Variants in MTERF4 observed in about 807,000 individuals in gnomAD.
MTERF4 encodes mitochondrial transcription termination factor 4.
Under a neutral mutation model 22.5 loss-of-function variants are expected in MTERF4, and 17 were observed. That is an observed-to-expected ratio of 0.75 (90% confidence interval 0.52 to 1.13). The LOEUF (loss-of-function observed/expected upper bound fraction) is 1.13, where lower values mean the gene tolerates loss of function less well. Among genes scored for constraint, MTERF4 ranks in the 50% most tolerant of loss-of-function variants. The probability of loss-of-function intolerance (pLI) is 0.00; values close to 1 mark genes in which losing one functional copy is unlikely to be tolerated. For synonymous variants in MTERF4, 165 were observed against 175.3 expected, an observed-to-expected ratio of 0.94 and a Z score of 0.47; for missense variants, 420 against 466.8, an observed-to-expected ratio of 0.90 and a Z score of 0.92.
chr2:241,076,947 C>T (rs1487704118), intron 4 of MTERF4, among the ~76,000 whole-genome samples: 4 of 152,098 alleles, frequency 2.6e-5, no homozygotes, highest in Non-Finnish European at 4.4e-5. Context: ...GGCATGGTGG[C>T]GGGCGCCTGT....
chr2:241,074,070 C>T (rs6754476), exon 5 of MTERF4: 2,921 of 152,390 alleles, frequency 0.019, 75 homozygotes, highest in African/African-American at 0.066. Context: ...CACCCGGTGA[C>T]CTGTTCTCCC....
chr2:241,087,270 G>A (rs941909792), downstream of MTERF4: 49 of 785,350 alleles, frequency 6.2e-5, no homozygotes, highest in Non-Finnish European at 9.3e-5. Context: ...GTTTCATTCA[G>A]AAAATAGCAG....
chr2:241,050,714 GTC>G, the MTERF4 span, among the ~76,000 whole-genome samples: 2 of 152,186 alleles, frequency 1.3e-5, no homozygotes, highest in African/African-American at 4.8e-5. Flanking sequence ...CGAGGTCTTT[GTC>G]TCTCAACACA....
chr2:241,052,754 G>T, the MTERF4 span, among the ~76,000 whole-genome samples: 2 of 136,090 alleles, frequency 1.5e-5, no homozygotes, highest in East Asian at 2.7e-4. Context: ...GAGGGCCGGG[G>T]GGCCAAGCAG....
At chr2:241,088,208 A>C (rs114023701), downstream of MTERF4, 8,247 of 622,092 alleles carry the variant, frequency 0.013, 64 homozygotes, top group Middle Eastern at 0.02. Context: ...CTAAAATGCT[A>C]ATCTCCACAG....
chr2:241,093,117 G>T (rs2064144853), downstream of MTERF4: 1 of 152,582 alleles, frequency 6.6e-6, no homozygotes, highest in East Asian at 1.9e-4. Flanking sequence ...GAAGGAACAG[G>T]CAATTCGCGA....
the MTERF4 span, chr2:241,051,967 G>T: frequency 6.7e-7 from 1 of 1,501,676 alleles, no homozygotes; most frequent in Non-Finnish European, 9.2e-7. This position sits in a 1 kb window ranked among gnomAD's most constrained non-coding sequence, Gnocchi z 4.7. Flanking sequence ...CTCATGAAGA[G>T]GCCCCAGCTC....
At chr2:241,071,703 CCCCACCCA>C, downstream of MTERF4, 1 of 1,499,144 alleles carries the variant, frequency 6.7e-7, no homozygotes, top group Non-Finnish European at 9.0e-7. Context: ...CCCCCGAGAC[CCCCACCCA>C]GCCCCCCAGG....
intron 4 of MTERF4, among the ~76,000 whole-genome samples, chr2:241,077,866 G>A (rs542130165): frequency 6.6e-6 from 1 of 152,098 alleles, no homozygotes; most frequent in African/African-American, 2.4e-5. Flanking sequence ...AACCCTCTAC[G>A]CTGCTGGTGG....
At chr2:241,068,482 G>A (rs150241774), downstream of MTERF4, among the ~76,000 whole-genome samples, 38 of 152,198 alleles carry the variant, frequency 2.5e-4, no homozygotes, top group African/African-American at 7.9e-4. The surrounding 1 kb of genome is among the most constrained non-coding windows in gnomAD (Gnocchi z 5.3). Context: ...ATCGGAGAGC[G>A]AGTGGGAAGG....
downstream of MTERF4, among the ~76,000 whole-genome samples, chr2:241,085,360 G>C (rs2063525078): frequency 6.6e-6 from 1 of 152,082 alleles, no homozygotes; most frequent in South Asian, 2.1e-4. Context: ...TTCTTCTGCA[G>C]CATCTACCAT....
intron 4 of MTERF4, among the ~76,000 whole-genome samples, chr2:241,079,649 A>G (rs561942800): frequency 6.6e-6 from 1 of 152,164 alleles, no homozygotes; most frequent in Non-Finnish European, 1.5e-5. Context: ...AAAAGGTTTT[A>G]AAAACAATAA....
chr2:241,092,415 A>C (rs1391560511), downstream of MTERF4: 1 of 152,166 alleles, frequency 6.6e-6, no homozygotes, highest in African/African-American at 2.4e-5. This position sits in a 1 kb window ranked among gnomAD's most constrained non-coding sequence, Gnocchi z 4.6. Flanking sequence ...TTCCAATAAA[A>C]ACTTATTTAC....
At chr2:241,070,276 C>G (rs1345386841), downstream of MTERF4, 4 of 1,444,318 alleles carry the variant, frequency 2.8e-6, no homozygotes, top group African/African-American at 4.2e-5. Context: ...ACTGACCTGG[C>G]CCTGCAGGGG....
At chr2:241,087,550 T>A, downstream of MTERF4, 1 of 1,525,590 alleles carries the variant, frequency 6.6e-7, no homozygotes. Context: ...CGGGGTGCTA[T>A]GGGATGCTGC....
the MTERF4 span, chr2:241,063,935 C>A: frequency 8.7e-7 from 1 of 1,144,444 alleles, no homozygotes; most frequent in Non-Finnish European, 1.3e-6. Flanking sequence ...CCTCCTTTCC[C>A]TTCTTCCCGC....
the MTERF4 span, chr2:241,063,995 C>T: frequency 1.3e-6 from 2 of 1,537,972 alleles, no homozygotes; most frequent in East Asian, 2.4e-5. Context: ...TGGGCCCACT[C>T]TCTGGGTGTT....
At chr2:241,090,563 G>A (rs1193268364), downstream of MTERF4, 6 of 1,235,468 alleles carry the variant, frequency 4.9e-6, no homozygotes, top group African/African-American at 1.5e-5. Flanking sequence ...ACACAGGGCA[G>A]TGCAGTAGGT....
the MTERF4 span, chr2:241,064,894 G>T: frequency 6.3e-7 from 1 of 1,584,656 alleles, no homozygotes; most frequent in Middle Eastern, 1.7e-4. The surrounding 1 kb of genome is among the most constrained non-coding windows in gnomAD (Gnocchi z 7.0). Flanking sequence ...CTATTGCCTG[G>T]CCAGCAACGG....
Sources: allele counts gnomAD v4.1 joint callset (sites outside exome capture counted in the v4.1 genomes callset), GRCh38; gene constraint gnomAD v4.1.1; non-coding constraint Gnocchi (gnomAD v3.1); transcripts MANE v1.5; gene names NCBI Gene and HGNC (gene_info 2026-07-23, HGNC 2026-07-21).